The following NEBL variants were observed in gnomAD, a reference collection of about 807,000 sequenced individuals.
NEBL encodes LIM and SH3 protein 2.
In NEBL, 122 loss-of-function variants were observed where a neutral mutation model predicts 140.2. The observed-to-expected ratio is 0.87, with a 90% CI of 0.75 to 1.01. The LOEUF is 1.01. Ranked by LOEUF, NEBL falls within the 50% of genes least tolerant of loss-of-function variation. The pLI, the probability that NEBL is intolerant of heterozygous loss-of-function variation, is 0.00. For missense variants in NEBL, 1,365 were observed against 1,231.3 expected (o/e 1.11, Z -1.62); for synonymous variants, 436 against 398.9 (o/e 1.09, Z -1.11).
intron 7 of NEBL, among the ~76,000 whole-genome samples, chr10:20,865,159 A>T (rs1041833375): frequency 5.9e-5 from 9 of 152,200 alleles, no homozygotes; most frequent in African/African-American, 2.2e-4. Context: ...TAAGGCCAGA[A>T]TCTCACAGAC....
At chr10:20,880,691 G>T in intron 5 of NEBL, 103 bp downstream of exon 5, 3 of 863,180 alleles carry the variant, frequency 3.5e-6, no homozygotes, top group South Asian at 2.7e-5. Flanking sequence ...AGTCTTTTTT[G>T]AACAGGGCTG....
intron 2 of NEBL, among the ~76,000 whole-genome samples, chr10:21,042,030 T>A (rs1834290920): frequency 6.6e-6 from 1 of 152,202 alleles, no homozygotes; most frequent in Non-Finnish European, 1.5e-5. Flanking sequence ...CTTTACCACG[T>A]CCTGTTTTAT....
chr10:21,227,137 T>A (rs1038669165), intron 3 of NEBL, among the ~76,000 whole-genome samples: 1 of 152,132 alleles, frequency 6.6e-6, no homozygotes, highest in African/African-American at 2.4e-5. Context: ...TTTCCCCCCA[T>A]TAATTGGAAA....
At position 20,892,671 on chromosome 10, in the gene NEBL, T is replaced by G. The variant is rs533741594; in HGVS notation, c.154-2722A>C. The stretch of plus-strand genomic sequence containing the variant: ...CTTCTCTTTTGCCCTCACCCACAAA[T>G]CCCACGTCTCCATTACAATTAGGAT... On this transcript the variant is annotated intron_variant, in intron 2 of 27. Coordinates refer to ENST00000377122, the MANE Select transcript of NEBL (RefSeq NM_006393.3). Among the ~76,000 whole-genome samples, 132 of 152,252 alleles carry G rather than the reference T, an allele frequency of 8.7e-4. 1 individual carries two copies. Among genetic ancestry groups the G allele is most frequent in the Non-Finnish European group, 1.6e-3 (109 of 68,008 alleles).
Position 21,148,365 on chromosome 10 carries a change from T to A in NEBL, c.164+24018A>T, listed in dbSNP as rs118089052. ...CTCTTCTGTTAAAGTATGTGGACTT[T>A]GGTCCGTGGTTCCCAAAGCAGCTTT... On this transcript the variant is annotated intron_variant, in intron 2 of 6. Coordinates refer to the NEBL transcript ENST00000417816. Among the ~76,000 whole-genome samples, 4 of 152,328 alleles carry A rather than the reference T, an allele frequency of 2.6e-5. No individual in the cohort carries two copies. The East Asian group carries it at 7.7e-4, about 29-fold the overall frequency.
At chr10:20,937,133 A>T (rs1157536352) in intron 4 of NEBL, among the ~76,000 whole-genome samples, 4 of 152,152 alleles carry the variant, frequency 2.6e-5, no homozygotes, top group African/African-American at 9.7e-5. Flanking sequence ...AGACTTCCCC[A>T]ACTCTCCCAA....
chr10:20,840,924 T>A, intron 12 of NEBL, 75 bp from the exon 13 acceptor site: 2 of 854,710 alleles, frequency 2.3e-6, no homozygotes, highest in Non-Finnish European at 3.8e-6. Flanking sequence ...ACATGTTTTC[T>A]AGAGATCACA....
rs111937093 is a variant in NEBL at position 21,220,660 on chromosome 10, A to T, written n.348+27261T>A. Among the ~76,000 whole-genome samples, 21 of 152,010 alleles carry T rather than the reference A, an allele frequency of 1.4e-4. 1 individual carries two copies. The highest frequency in any genetic ancestry group is 4.3e-4 in the African/African-American group (18 of 41,418). ...AAAATAGGCAAATGGGATTGCATCA[A>T]ACTAAAAAGGTTCTGCACAGCAAAG... On this transcript the variant is annotated intron_variant and non_coding_transcript_variant, in intron 3 of 8. Transcript: ENST00000675702.
upstream of NEBL, chr10:20,897,475 A>C: frequency 8.4e-7 from 1 of 1,191,096 alleles, no homozygotes; most frequent in Non-Finnish European, 1.0e-6. Context: ...TAAAGTCAAC[A>C]TTTTTTCCAC....
chr10:21,029,478 T>C (rs1833687844), intron 2 of NEBL: 2 of 1,611,620 alleles, frequency 1.2e-6, no homozygotes, highest in African/African-American at 1.3e-5. Context: ...ATTAAGAGTC[T>C]CTAGGTAACA....
intron 8 of NEBL, among the ~76,000 whole-genome samples, chr10:20,858,634 A>T (rs1267724565): frequency 6.6e-6 from 1 of 152,236 alleles, no homozygotes. Flanking sequence ...TCAAAAAATA[A>T]AGAGAATAGC....
chr10:21,057,983 C>G (rs1264399651), intron 2 of NEBL, among the ~76,000 whole-genome samples: 1 of 152,176 alleles, frequency 6.6e-6, no homozygotes, highest in Non-Finnish European at 1.5e-5. Flanking sequence ...AGGGAAAGTT[C>G]TGACTTTCCA....
intron 2 of NEBL, among the ~76,000 whole-genome samples, chr10:21,050,569 A>T (rs1311150711): frequency 6.6e-6 from 1 of 152,226 alleles, no homozygotes; most frequent in Non-Finnish European, 1.5e-5. Context: ...GAGAACAATG[A>T]ACCAGCAGTA....
chr10:21,168,724 T>C (rs935457191), intron 2 of NEBL, among the ~76,000 whole-genome samples: 2 of 152,138 alleles, frequency 1.3e-5, no homozygotes, highest in Admixed American at 1.3e-4. Flanking sequence ...TCACGATGTA[T>C]GAAACCAACT....
At chr10:20,968,609 A>C (rs1836435078) in intron 3 of NEBL, among the ~76,000 whole-genome samples, 1 of 152,218 alleles carries the variant, frequency 6.6e-6, no homozygotes, top group African/African-American at 2.4e-5. Context: ...TGCAGTGAGA[A>C]CTATGCAAGG....
rs1225156179 is a variant in NEBL, at chr10:20,828,543, T to C, written c.1763A>G (p.Gln588Arg). ...ATGGCTACTCACCGCACTAATGTTT[T>C]GTTGAGTTGTCTTAATTCTCTGAAT... ...PEIQRIKTTQ[Q>R]NISAVFYKKE... Residue 588 changes from glutamine (Q) to arginine (R), a missense_variant, in exon 17 of 28, where the codon CAA becomes CGA. This residue lies in a region of NEBL where 1,323 missense variants were observed against 1,154.8 expected (regional missense o/e 1.15). Transcript: ENST00000377122. The C allele has an allele frequency of 1.3e-6, 2 of 1,582,110 alleles. No individual in the cohort carries two copies. The highest frequency in any genetic ancestry group is 1.7e-6 in the Non-Finnish European group (2 of 1,151,438).
At chr10:20,841,102 T>A (rs925828790) in intron 12 of NEBL, among the ~76,000 whole-genome samples, 1 of 151,962 alleles carries the variant, frequency 6.6e-6, no homozygotes, top group Non-Finnish European at 1.5e-5. Flanking sequence ...CCATAGTGGA[T>A]TTTTTTTAAA....
At chr10:21,262,972 C>A (rs1327391646) in intron 1 of NEBL, among the ~76,000 whole-genome samples, 2 of 152,164 alleles carry the variant, frequency 1.3e-5, no homozygotes, top group African/African-American at 4.8e-5. Flanking sequence ...ACAGAAAAGG[C>A]CATCTAAAAA....
Position 20,783,112 on chromosome 10 carries a change from C to G in NEBL, c.*2635G>C, listed in dbSNP as rs1199150574. On this transcript the variant is annotated 3_prime_UTR_variant, in exon 28 of 28. Transcript: ENST00000377122. ...GCTGTCAGCTTCATGCACGAGATACCTGTTGCCAAACCAAAGGTGGGAGGG... is the reference window on the plus strand; with the variant it reads ...GCTGTCAGCTTCATGCACGAGATACGTGTTGCCAAACCAAAGGTGGGAGGG... 6.6e-6 allele frequency: 1 copy of G among 152,568 alleles called. No individual in the cohort carries two copies. The highest frequency in any genetic ancestry group is 1.5e-5 in the Non-Finnish European group (1 of 68,030). The allele number at this position is 152,568 out of a possible 1,614,324, so 9.5% of individuals were successfully genotyped here. A position where few individuals can be genotyped will look rare whatever the true frequency, so the allele number is the denominator to read the frequency against.
Sources: gnomAD v4.1 joint callset for allele counts (sites outside exome capture counted in the v4.1 genomes callset) on GRCh38, gnomAD v4.1.1 for gene constraint, gnomAD v4.1.1 regional missense constraint, MANE v1.5 for transcripts, NCBI Gene and HGNC (gene_info 2026-07-23, HGNC 2026-07-21) for gene names.